The following SLC30A8 variants were observed in gnomAD, a reference collection of about 807,000 sequenced individuals.
SLC30A8 encodes the protein solute carrier family 30 member 8.
SLC30A8 carries 27 observed loss-of-function variants against 36.9 expected under a neutral mutation model. The ratio of observed to expected loss-of-function variants is 0.73; its 90% confidence interval spans 0.54 to 1.01. SLC30A8 has a LOEUF of 1.01. SLC30A8 is among the 50% of genes least tolerant of loss of function. SLC30A8 has a pLI of 0.00. For synonymous variants in SLC30A8, 164 were observed against 172.4 expected (o/e 0.95, Z 0.38); for missense variants, 439 against 452.0 (o/e 0.97, Z 0.26).
intron 1 of SLC30A8, among the ~76,000 whole-genome samples, chr8:117,012,102 G>C (rs1307741463): frequency 6.6e-6 from 1 of 152,062 alleles, no homozygotes; most frequent in Non-Finnish European, 1.5e-5. Flanking sequence ...TCATTCAAAA[G>C]TTGAGCAACT....
At chr8:117,130,273 T>C (rs1373345004), upstream of SLC30A8, 2 of 151,982 alleles carry the variant, frequency 1.3e-5, no homozygotes, top group Admixed American at 6.6e-5. Context: ...GAGGAAGCTT[T>C]GTCTTGTCTC....
intron 2 of SLC30A8, among the ~76,000 whole-genome samples, chr8:117,071,311 C>T (rs966726161): frequency 6.6e-5 from 10 of 151,822 alleles, no homozygotes; most frequent in African/African-American, 2.4e-4. Context: ...TGATGCTGAG[C>T]TTTTTTTTCA....
chr8:117,028,434 G>T (rs1309605520), intron 1 of SLC30A8, among the ~76,000 whole-genome samples: 1 of 152,126 alleles, frequency 6.6e-6, no homozygotes, highest in Admixed American at 6.6e-5. Flanking sequence ...GATTTCTGGG[G>T]ACAGTCTCTA....
At chr8:117,094,781 G>A (rs1326546858) in intron 2 of SLC30A8, among the ~76,000 whole-genome samples, 1 of 152,196 alleles carries the variant, frequency 6.6e-6, no homozygotes, top group Non-Finnish European at 1.5e-5. Context: ...GTCATTCATG[G>A]CGTCCAGGCT....
intron 1 of SLC30A8, among the ~76,000 whole-genome samples, chr8:117,019,985 T>G (rs184514955): frequency 3.5e-4 from 54 of 152,224 alleles, no homozygotes; most frequent in African/African-American, 1.3e-3. Context: ...GGCTAAGAGC[T>G]TAAGTACTTA....
chr8:116,953,204 T>G (rs1009986017), intron 1 of SLC30A8, among the ~76,000 whole-genome samples: 3 of 152,214 alleles, frequency 2.0e-5, no homozygotes, highest in Non-Finnish European at 2.9e-5. Context: ...GACATGATTT[T>G]GTTCTTTTTT....
chr8:116,990,163 T>C (rs942599181), intron 1 of SLC30A8, among the ~76,000 whole-genome samples: 5 of 152,218 alleles, frequency 3.3e-5, no homozygotes, highest in Admixed American at 1.3e-4. Flanking sequence ...AATGTTGTTA[T>C]TGTTTTTGAG....
At chr8:116,967,415 AT>A (rs1163074614) in intron 1 of SLC30A8, among the ~76,000 whole-genome samples, 1 of 152,080 alleles carries the variant, frequency 6.6e-6, no homozygotes, top group African/African-American at 2.4e-5. Flanking sequence ...CCAATAATGT[AT>A]TTTTTTCCAC....
chr8:117,108,000 T>G (rs1004679276), intron 2 of SLC30A8, among the ~76,000 whole-genome samples: 2 of 152,204 alleles, frequency 1.3e-5, no homozygotes, highest in African/African-American at 2.4e-5. Flanking sequence ...AGGTCCCCAA[T>G]TTTTTAGGGA....
chr8:117,065,736 C>T (rs1207105800), intron 2 of SLC30A8, among the ~76,000 whole-genome samples: 2 of 152,136 alleles, frequency 1.3e-5, no homozygotes, highest in Non-Finnish European at 1.5e-5. Flanking sequence ...GTTGCTTCTC[C>T]AGGAATTCTC....
intron 1 of SLC30A8, among the ~76,000 whole-genome samples, chr8:117,004,607 T>C (rs1310259271): frequency 6.6e-6 from 1 of 152,166 alleles, no homozygotes; most frequent in Non-Finnish European, 1.5e-5. Flanking sequence ...TACTTCATGG[T>C]ATTTCATGGT....
intron 2 of SLC30A8, among the ~76,000 whole-genome samples, chr8:117,092,916 G>T (rs1052468796): frequency 6.6e-6 from 1 of 152,060 alleles, no homozygotes; most frequent in Non-Finnish European, 1.5e-5. Flanking sequence ...CTTATTCTGG[G>T]GTCTTCTCTG....
chr8:116,980,955 A>G (rs1319259110), intron 1 of SLC30A8, among the ~76,000 whole-genome samples: 2 of 152,204 alleles, frequency 1.3e-5, no homozygotes, highest in African/African-American at 4.8e-5. Flanking sequence ...CTATTGCTGC[A>G]TAACAAGTCA....
At chr8:117,110,836 G>A (rs1372503896) in intron 2 of SLC30A8, among the ~76,000 whole-genome samples, 2 of 152,166 alleles carry the variant, frequency 1.3e-5, no homozygotes, top group Non-Finnish European at 2.9e-5. Context: ...CCCGAGAGAT[G>A]AGACAGGCAA....
intron 2 of SLC30A8, among the ~76,000 whole-genome samples, chr8:117,103,354 G>A (rs1285917402): frequency 6.6e-6 from 1 of 152,132 alleles, no homozygotes; most frequent in Admixed American, 6.5e-5. Context: ...TTGATGCTCA[G>A]AGAGCCTGAG....
chr8:117,018,664 C>A (rs1281373683), intron 1 of SLC30A8, among the ~76,000 whole-genome samples: 3 of 39,950 alleles, frequency 7.5e-5, no homozygotes, highest in Non-Finnish European at 1.3e-4. Flanking sequence ...ATCTGACTAG[C>A]CCCCCCCCCC....
chr8:116,962,288 A>G (rs1342541436), intron 1 of SLC30A8, among the ~76,000 whole-genome samples: 4 of 152,016 alleles, frequency 2.6e-5, no homozygotes, highest in African/African-American at 7.2e-5. Context: ...CTTATAGAGC[A>G]GTAACTAACA....
intron 2 of SLC30A8, among the ~76,000 whole-genome samples, chr8:117,099,715 T>C (rs948410368): frequency 6.6e-6 from 1 of 152,182 alleles, no homozygotes; most frequent in African/African-American, 2.4e-5. Flanking sequence ...TCCTGCTCAC[T>C]AAACATCATC....
At chr8:116,971,243 C>G (rs1814787559) in intron 1 of SLC30A8, among the ~76,000 whole-genome samples, 1 of 152,130 alleles carries the variant, frequency 6.6e-6, no homozygotes, top group Non-Finnish European at 1.5e-5. Flanking sequence ...CCTACATATC[C>G]TGCACATGCA....
Sources: allele counts gnomAD v4.1 joint callset (sites outside exome capture counted in the v4.1 genomes callset), GRCh38; gene constraint gnomAD v4.1.1; transcripts MANE v1.5; gene names NCBI Gene and HGNC (gene_info 2026-07-23, HGNC 2026-07-21).